TASP1: variants seen among roughly 807,000 people sequenced by gnomAD.
TASP1 encodes the protein threonine aspartase 1.
A neutral mutation model predicts 56.6 loss-of-function variants in TASP1; 16 were observed. The observed-to-expected ratio is 0.28, with a 90% CI of 0.19 to 0.43. The LOEUF (loss-of-function observed/expected upper bound fraction) is 0.43. TASP1 is among the 20% of genes least tolerant of loss of function. The pLI is 1.00. For synonymous variants in TASP1, 179 were observed against 184.2 expected, an observed-to-expected ratio of 0.97 and a Z score of 0.23; for missense variants, 393 against 511.6, an observed-to-expected ratio of 0.77 and a Z score of 2.24.
the TASP1 span, among the ~76,000 whole-genome samples, chr20:13,230,746 G>GAA: frequency 8.8e-5 from 11 of 125,334 alleles, 1 homozygote; most frequent in Admixed American, 3.1e-4. Flanking sequence ...ATGTGTTGTA[G>GAA]AAAAAAAAAG....
intron 10 of TASP1, among the ~76,000 whole-genome samples, chr20:13,517,084 G>T (rs1296328294): frequency 6.6e-6 from 1 of 152,116 alleles, no homozygotes; most frequent in Admixed American, 6.6e-5. Context: ...AAGCGCCACA[G>T]TGCATATTCC....
chr20:13,515,777 T>C (rs2044505655), intron 10 of TASP1, among the ~76,000 whole-genome samples: 1 of 152,070 alleles, frequency 6.6e-6, no homozygotes. Context: ...AGCTTGCCAG[T>C]ATCAGACATA....
chr20:13,435,882 A>G (rs1016173560), intron 11 of TASP1, among the ~76,000 whole-genome samples: 1 of 152,162 alleles, frequency 6.6e-6, no homozygotes, highest in Non-Finnish European at 1.5e-5. Flanking sequence ...AACCAATCAA[A>G]TTGGATTTGG....
the TASP1 span, among the ~76,000 whole-genome samples, chr20:13,256,755 G>T: frequency 6.6e-6 from 1 of 152,192 alleles, no homozygotes; most frequent in African/African-American, 2.4e-5. Context: ...TGAGCCAGGT[G>T]ACTTTGGCAG....
chr20:13,444,401 A>C (rs1240982715), intron 11 of TASP1, among the ~76,000 whole-genome samples: 1 of 152,146 alleles, frequency 6.6e-6, no homozygotes, highest in Non-Finnish European at 1.5e-5. Context: ...CTTGAATGCC[A>C]TTCTCTCTTT....
At chr20:13,323,281 A>T in the TASP1 span, among the ~76,000 whole-genome samples, 1 of 152,220 alleles carries the variant, frequency 6.6e-6, no homozygotes, top group African/African-American at 2.4e-5. Context: ...GCTTGAGAAG[A>T]CTAGGGACTG....
chr20:13,396,670 T>C (rs1482568084), intron 13 of TASP1, among the ~76,000 whole-genome samples: 1 of 152,192 alleles, frequency 6.6e-6, no homozygotes, highest in African/African-American at 2.4e-5. Context: ...CCAGAGCAAT[T>C]TGAAGATACA....
chr20:13,437,922 T>C (rs2043067411), intron 11 of TASP1, among the ~76,000 whole-genome samples: 1 of 152,144 alleles, frequency 6.6e-6, no homozygotes, highest in South Asian at 2.1e-4. Flanking sequence ...ATCATGAAAA[T>C]GGCCATACTG....
chr20:13,198,859 C>CTTTCT, the TASP1 span, among the ~76,000 whole-genome samples: 4 of 109,680 alleles, frequency 3.6e-5, no homozygotes, highest in Non-Finnish European at 7.8e-5. Flanking sequence ...TCTTTCTTTC[C>CTTTCT]TTCCTTCCTT....
intron 12 of TASP1, among the ~76,000 whole-genome samples, chr20:13,430,358 C>G (rs6033705): frequency 0.61 from 92,880 of 152,070 alleles, 29,007 homozygotes; most frequent in Non-Finnish European, 0.68. Flanking sequence ...CTTTAGCAGG[C>G]TCTCCGATGA....
chr20:13,383,245 G>C, the TASP1 span, among the ~76,000 whole-genome samples: 11 of 152,218 alleles, frequency 7.2e-5, no homozygotes, highest in Admixed American at 2.0e-4. Flanking sequence ...GTCAGGACAA[G>C]AGTGGAAGCA....
At chr20:13,406,183 A>G (rs1420861659) in intron 13 of TASP1, among the ~76,000 whole-genome samples, 2 of 152,242 alleles carry the variant, frequency 1.3e-5, no homozygotes, top group Non-Finnish European at 2.9e-5. Context: ...CACACAAATT[A>G]TAAAACCAAC....
At chr20:13,386,410 T>C (rs1202880129), downstream of TASP1, among the ~76,000 whole-genome samples, 1 of 152,188 alleles carries the variant, frequency 6.6e-6, no homozygotes, top group East Asian at 1.9e-4. Flanking sequence ...ATTTAAAATT[T>C]ACATTTTTAA....
chr20:13,332,740 A>T, the TASP1 span, among the ~76,000 whole-genome samples: 3 of 152,244 alleles, frequency 2.0e-5, no homozygotes, highest in Admixed American at 1.3e-4. Flanking sequence ...CATTTTCAGC[A>T]TATGTGGTTG....
chr20:13,180,124 A>G, the TASP1 span, among the ~76,000 whole-genome samples: 1 of 152,184 alleles, frequency 6.6e-6, no homozygotes, highest in African/African-American at 2.4e-5. Context: ...TAAGAGAAAA[A>G]TCTAGTAATG....
the TASP1 span, chr20:13,166,917 G>A: frequency 6.6e-6 from 1 of 152,186 alleles, no homozygotes; most frequent in Admixed American, 6.5e-5. Context: ...TACCTACCCA[G>A]CATGGAAGGC....
the TASP1 span, among the ~76,000 whole-genome samples, chr20:13,301,274 C>T: frequency 7.2e-5 from 11 of 152,242 alleles, no homozygotes; most frequent in African/African-American, 1.2e-4. Context: ...CCACAACTTC[C>T]GCCTCCTGAG....
At chr20:13,435,335 G>A (rs1207449901) in intron 11 of TASP1, among the ~76,000 whole-genome samples, 181 bp from the exon 12 acceptor site, 1 of 152,076 alleles carries the variant, frequency 6.6e-6, no homozygotes, top group Non-Finnish European at 1.5e-5. Flanking sequence ...CCTGAATAGG[G>A]GCCATTTGGC....
the TASP1 span, among the ~76,000 whole-genome samples, chr20:13,323,305 G>A: frequency 6.6e-6 from 1 of 152,174 alleles, no homozygotes; most frequent in Non-Finnish European, 1.5e-5. Context: ...CAAAGGAAGG[G>A]AGGTCACTTA....
Sources: allele counts gnomAD v4.1 joint callset (sites outside exome capture counted in the v4.1 genomes callset), GRCh38; gene constraint gnomAD v4.1.1; transcripts MANE v1.5; gene names NCBI Gene and HGNC (gene_info 2026-07-23, HGNC 2026-07-21).